The following LAMA1 variants were observed in gnomAD, a reference collection of about 807,000 sequenced individuals.
LAMA1 encodes the protein laminin subunit alpha-1.
In LAMA1, 219 loss-of-function variants were observed where a neutral mutation model predicts 348.7. The observed-to-expected ratio is 0.63, with a 90% CI of 0.56 to 0.70. LAMA1 has a LOEUF of 0.70. LAMA1 is among the 30% of genes least tolerant of loss of function. The pLI is 0.00. For synonymous variants in LAMA1, 1,487 were observed against 1,491.0 expected (o/e 1.00, Z 0.06); for missense variants, 3,744 against 3,888.0 (o/e 0.96, Z 0.99).
intron 3 of LAMA1, among the ~76,000 whole-genome samples, chr18:7,066,589 G>C (rs2058123825): frequency 6.6e-6 from 1 of 152,132 alleles, no homozygotes; most frequent in Non-Finnish European, 1.5e-5. Flanking sequence ...TAATAAATCA[G>C]ACCAAACATT....
At chr18:7,085,251 T>G (rs2058209991) in intron 1 of LAMA1, among the ~76,000 whole-genome samples, 2 of 151,974 alleles carry the variant, frequency 1.3e-5, no homozygotes, top group Non-Finnish European at 1.5e-5. Flanking sequence ...AGTTTTTATT[T>G]TGAAAAACAA....
chr18:6,983,038 C>T (rs746965256), intron 40 of LAMA1, 61 bp downstream of exon 40: 30 of 1,612,210 alleles, frequency 1.9e-5, no homozygotes, highest in Non-Finnish European at 2.4e-5. Flanking sequence ...AATCTCTGCT[C>T]AAACCCGGTA....
chr18:6,979,847 C>T (rs913682780), intron 42 of LAMA1, among the ~76,000 whole-genome samples: 139 of 152,242 alleles, frequency 9.1e-4, no homozygotes, highest in African/African-American at 7.5e-4. Flanking sequence ...TGCAGTGAGC[C>T]AAGATCGCGC....
At chr18:7,032,660 A>C (rs1200190288) in intron 15 of LAMA1, among the ~76,000 whole-genome samples, 1 of 152,166 alleles carries the variant, frequency 6.6e-6, no homozygotes. Context: ...CATGCTGGTG[A>C]TTTGTAAATG....
intron 3 of LAMA1, among the ~76,000 whole-genome samples, chr18:7,073,254 A>T (rs2058153256): frequency 6.6e-6 from 1 of 152,210 alleles, no homozygotes; most frequent in Non-Finnish European, 1.5e-5. Context: ...TTTAAGTTGT[A>T]GAAAAATATA....
chr18:6,982,546 G>T lies in LAMA1; in HGVS notation c.5841C>A (p.Arg1947=), dbSNP rs1600370707. Residue 1947 remains arginine, a synonymous_variant, in exon 41 of 63, where the codon CGC becomes CGA. Transcript: ENST00000389658. The part of the protein sequence containing the change: ...LVSNGKAAVQ[R]SSRFLKEGNN... ...TGCCTTCTTTTAGAAATCTGGAGCTGCGCTGCACGGCCGCTTTCCCGTTAG... is the reference window on the plus strand; with the variant it reads ...TGCCTTCTTTTAGAAATCTGGAGCTTCGCTGCACGGCCGCTTTCCCGTTAG... 1.2e-6 allele frequency: 2 copies of T among 1,614,164 alleles called. No homozygotes were observed. Among genetic ancestry groups the T allele is most frequent in the South Asian group, 1.1e-5 (1 of 91,084 alleles).
chr18:6,995,066 C>T (rs1010402586), intron 34 of LAMA1, among the ~76,000 whole-genome samples: 6 of 152,182 alleles, frequency 3.9e-5, no homozygotes, highest in Admixed American at 6.5e-5. Flanking sequence ...TTTTCATCCC[C>T]GCCCCACCTT....
At chr18:7,044,601 A>C (rs76073380) in intron 7 of LAMA1, 121 bp downstream of exon 7, 18,208 of 847,064 alleles carry the variant, frequency 0.021, 295 homozygotes, top group South Asian at 0.04. Flanking sequence ...CAGCTTTGGA[A>C]ACTACTTAAA....
At chr18:7,087,203 G>GT (rs1326853678) in intron 1 of LAMA1, among the ~76,000 whole-genome samples, 43 of 152,206 alleles carry the variant, frequency 2.8e-4, no homozygotes, top group Non-Finnish European at 2.9e-5. Flanking sequence ...ACAAGTCCTG[G>GT]TTGAGGTATT....
chr18:7,091,840 T>C (rs1354995957), intron 1 of LAMA1, among the ~76,000 whole-genome samples: 1 of 152,230 alleles, frequency 6.6e-6, no homozygotes, highest in African/African-American at 2.4e-5. Flanking sequence ...AAATGTCCAG[T>C]GACCAGTACC....
intron 10 of LAMA1, among the ~76,000 whole-genome samples, chr18:7,039,767 G>C (rs369094865): frequency 6.6e-6 from 1 of 152,168 alleles, no homozygotes; most frequent in Non-Finnish European, 1.5e-5. Flanking sequence ...AAAGAAAACA[G>C]AGATGAGGCC....
intron 48 of LAMA1, among the ~76,000 whole-genome samples, 175 bp downstream of exon 48, chr18:6,971,681 AT>A (rs560454884): frequency 3.3e-5 from 5 of 151,322 alleles, no homozygotes; most frequent in Admixed American, 6.6e-5. Flanking sequence ...ATGTCACAGG[AT>A]TTTTTTTTGA....
At position 7,042,162 on chromosome 18, in the gene LAMA1, TG is replaced by T. The variant is rs1064793632; in HGVS notation, c.1243del (p.His415IlefsTer78). On this transcript the variant is annotated frameshift_variant, in exon 9 of 63. Transcript: ENST00000389658. LOFTEE classifies it high-confidence loss of function. ...LSSVCIKDDL[H>X]SDLHNGKQPG... ...GTACTTACCATTGTGTAAGTCAGAA[TG>T]GAGGTCATCCTTAATACAGACAGAA... The T allele has an allele frequency of 6.2e-7, 1 of 1,610,844 alleles. No individual in the cohort carries two copies. The highest frequency in any genetic ancestry group is 8.5e-7 in the Non-Finnish European group (1 of 1,177,772).
chr18:7,022,522 G>A (rs530333426), intron 19 of LAMA1, among the ~76,000 whole-genome samples: 24 of 152,278 alleles, frequency 1.6e-4, no homozygotes, highest in African/African-American at 5.1e-4. Flanking sequence ...TATGACTGGC[G>A]TTTATATGAA....
At chr18:6,956,871 A>C in intron 55 of LAMA1, 106 bp from the exon 56 acceptor site, 1 of 1,293,800 alleles carries the variant, frequency 7.7e-7, no homozygotes, top group East Asian at 2.3e-5. Context: ...AAAACCATGT[A>C]TATATTTCTC....
intron 41 of LAMA1, 31 bp from the exon 42 acceptor site, chr18:6,980,668 A>G: frequency 6.9e-7 from 1 of 1,440,480 alleles, no homozygotes; most frequent in Non-Finnish European, 9.8e-7. Context: ...GTTTCCTTTC[A>G]GGTTAGCCTA....
In LAMA1 at chr18:7,053,780, A is replaced by ATTTTTT. The variant is rs371341214; in HGVS notation, c.346-2850_346-2845dup. Among the ~76,000 whole-genome samples the ATTTTTT allele has an allele frequency of 7.2e-3, 998 of 138,260 alleles. 17 individuals are homozygous for ATTTTTT. The highest frequency in any genetic ancestry group is 0.026 in the African/African-American group (959 of 36,818). The allele number at this position is 138,260 out of a possible 152,430, so 90.7% of individuals were successfully genotyped here. A position where few individuals can be genotyped will look rare whatever the true frequency, so the allele number is the denominator to read the frequency against. On this transcript the variant is annotated intron_variant, in intron 3 of 62. Coordinates refer to ENST00000389658, the MANE Select transcript of LAMA1 (RefSeq NM_005559.4). Reference sequence around the variant, plus strand: ...TTTATGACAACTCCCTCATTAGAGGATTTTTTTTTTTTTTTTTTGAGACAA... The same window carrying ATTTTTT: ...TTTATGACAACTCCCTCATTAGAGGATTTTTTTTTTTTTTTTTTTTTTTTGAGACAA...
chr18:7,042,730 A>G (rs1292096607), intron 8 of LAMA1: 1 of 205,294 alleles, frequency 4.9e-6, no homozygotes, highest in Non-Finnish European at 9.9e-6. Context: ...TAAAAATACA[A>G]AAATTAGCTG....
rs781737757 is a variant in LAMA1 at position 6,992,530 on chromosome 18, G to T, written c.5168+31C>A. On this transcript the variant is annotated intron_variant, in intron 36 of 62. Transcript: ENST00000389658. Reference sequence around the variant, plus strand: ...GCGTGCAAGTTTCTCTCTCTACTTGGTTGCATTGCACACAGTAATTAGAAA... The same window carrying T: ...GCGTGCAAGTTTCTCTCTCTACTTGTTTGCATTGCACACAGTAATTAGAAA... The T allele has an allele frequency of 5.0e-6, 8 of 1,612,014 alleles. No individual in the cohort carries two copies. In the South Asian group the frequency reaches 7.7e-5, roughly 15 times the overall value.
Sources: gnomAD v4.1 joint callset for allele counts (sites outside exome capture counted in the v4.1 genomes callset) on GRCh38, gnomAD v4.1.1 for gene constraint, MANE v1.5 for transcripts, NCBI Gene and HGNC (gene_info 2026-07-23, HGNC 2026-07-21) for gene names.